SCML4: variants seen among roughly 807,000 people sequenced by gnomAD.
The protein encoded by SCML4 is sex comb on midleg-like protein 4.
In SCML4, 34 loss-of-function variants were observed where a neutral mutation model predicts 41.1. The observed-to-expected ratio is 0.83, with a 90% confidence interval of 0.63 to 1.10. The LOEUF is 1.10. SCML4 is among the 50% of genes least tolerant of loss of function. The pLI, the probability that SCML4 is intolerant of heterozygous loss-of-function variation, is 0.00. For missense variants in SCML4, 522 were observed against 534.1 expected (o/e 0.98, Z 0.22); for synonymous variants, 214 against 220.9 (o/e 0.97, Z 0.28).
intron 1 of SCML4, among the ~76,000 whole-genome samples, chr6:107,788,922 G>T (rs1518525): frequency 0.28 from 42,872 of 152,038 alleles, 6,241 homozygotes; most frequent in Middle Eastern, 0.34. Context: ...CTCTCCCCCA[G>T]TGTGTGTTTC....
intron 1 of SCML4, among the ~76,000 whole-genome samples, chr6:107,801,436 G>A (rs1783114081): frequency 6.6e-6 from 1 of 151,958 alleles, no homozygotes; most frequent in Non-Finnish European, 1.5e-5. Flanking sequence ...CTGCCTACCT[G>A]CCCCCCACCC....
chr6:107,803,446 C>T (rs1253925860), intron 1 of SCML4, among the ~76,000 whole-genome samples: 1 of 150,202 alleles, frequency 6.7e-6, no homozygotes, highest in African/African-American at 2.5e-5. Flanking sequence ...GCCCCCCGCC[C>T]GGCCAGCCGC....
rs138344580 is a variant in SCML4 at position 107,775,458 on chromosome 6, T to C, written c.-59-3072A>G. On this transcript the variant is annotated intron_variant, in intron 1 of 7. Coordinates refer to ENST00000369020, the MANE Select transcript of SCML4 (RefSeq NM_198081.5). ...CTGTATCTCTGACCTAGGAGCTATCTGTCTTCTGCCAGCATCTGTGACGCC... is the reference window on the plus strand; with the variant it reads ...CTGTATCTCTGACCTAGGAGCTATCCGTCTTCTGCCAGCATCTGTGACGCC... Among the ~76,000 whole-genome samples, 489 of 152,346 alleles carry C rather than the reference T, an allele frequency of 3.2e-3. 2 individuals are homozygous for C. The highest frequency in any genetic ancestry group is 0.011 in the African/African-American group (463 of 41,586).
chr6:107,734,735 C>T lies in SCML4; in HGVS notation c.682+10214G>A, dbSNP rs77843708. Among the ~76,000 whole-genome samples, 766 of 152,308 alleles carry T rather than the reference C, an allele frequency of 5.0e-3. 9 individuals are homozygous for T. The East Asian group carries it at 0.053, about 10-fold the overall frequency. On this transcript the variant is annotated intron_variant, in intron 5 of 7. Coordinates refer to ENST00000369020, the MANE Select transcript of SCML4 (RefSeq NM_198081.5). ...GGGAGAATTAGGATGAGGACTCCTA[C>T]CCTGGAGAACACTCCCTATTCCATG...
intron 1 of SCML4, among the ~76,000 whole-genome samples, chr6:107,781,080 G>A (rs1781451992): frequency 1.3e-5 from 2 of 152,110 alleles, no homozygotes; most frequent in African/African-American, 4.8e-5. Context: ...GTAAGTATAG[G>A]AGAGCTTACG....
At position 107,720,750 on chromosome 6, in the gene SCML4, G is replaced by T; in HGVS notation, c.926C>A (p.Ala309Asp). The T allele has an allele frequency of 6.2e-7, 1 of 1,602,730 alleles. No individual in the cohort carries two copies. Among genetic ancestry groups the T allele is most frequent in the Non-Finnish European group, 8.5e-7 (1 of 1,174,912 alleles). ...GPSAPGLRPPASSPKRNTTSL... is the reference protein window; with the variant it reads ...GPSAPGLRPPDSSPKRNTTSL... ...GGTCGTGTTTCTCTTGGGGCTGGAG[G>T]CTGGAGGCCTCAGCCCAGGTGCCGA... The change falls in exon 6 of 8, where the codon GCC (alanine) becomes GAC (aspartate). Residue 309 changes from alanine (A) to aspartate (D), a missense_variant. Physicochemically the swap from Ala to Asp is moderately radical, Grantham distance 126. Transcript: ENST00000369020.
intron 1 of SCML4, among the ~76,000 whole-genome samples, chr6:107,781,148 A>C (rs1158448314): frequency 6.6e-6 from 1 of 152,022 alleles, no homozygotes; most frequent in African/African-American, 2.4e-5. Context: ...AGAAAGTTAG[A>C]GTTTAAGGCC....
At chr6:107,796,762 G>A (rs1782747184) in intron 1 of SCML4, among the ~76,000 whole-genome samples, 1 of 149,340 alleles carries the variant, frequency 6.7e-6, no homozygotes, top group Non-Finnish European at 1.5e-5. Flanking sequence ...CTAATTTTTT[G>A]TTGTTGTACT....
intron 5 of SCML4, among the ~76,000 whole-genome samples, chr6:107,725,946 G>A (rs1229088064): frequency 5.9e-5 from 9 of 151,772 alleles, no homozygotes; most frequent in African/African-American, 2.2e-4. Flanking sequence ...GCATGGTGAT[G>A]CGAGTCTGTA....
At chr6:107,814,735 T>A (rs916145159) in intron 1 of SCML4, among the ~76,000 whole-genome samples, 3 of 152,168 alleles carry the variant, frequency 2.0e-5, no homozygotes, top group Admixed American at 6.5e-5. Context: ...GTATTTTTAG[T>A]AGAGACGGGG....
At chr6:107,767,582 C>T (rs1385827048) in intron 2 of SCML4, among the ~76,000 whole-genome samples, 1 of 152,178 alleles carries the variant, frequency 6.6e-6, no homozygotes, top group Non-Finnish European at 1.5e-5. Context: ...TGCATTTACC[C>T]ATATTAATTA....
chr6:107,741,089 G>C (rs973222122), intron 5 of SCML4, among the ~76,000 whole-genome samples: 2 of 152,092 alleles, frequency 1.3e-5, no homozygotes, highest in African/African-American at 2.4e-5. Context: ...TGAAAGTTTC[G>C]AGGCCGACTT....
At chr6:107,749,839 A>G in intron 2 of SCML4, 26 bp from the exon 3 acceptor site, 1 of 1,613,380 alleles carries the variant, frequency 6.2e-7, no homozygotes, top group Non-Finnish European at 8.5e-7. Context: ...CATTTGGTCA[A>G]TGAGAATCTG....
upstream of SCML4, among the ~76,000 whole-genome samples, chr6:107,826,898 C>T (rs1785273451): frequency 7.2e-6 from 1 of 139,086 alleles, no homozygotes; most frequent in Non-Finnish European, 1.5e-5. Context: ...CCCGTCTCTA[C>T]TAAAAATACA....
At chr6:107,757,163 C>A (rs1483686418) in intron 2 of SCML4, among the ~76,000 whole-genome samples, 1 of 152,116 alleles carries the variant, frequency 6.6e-6, no homozygotes, top group Non-Finnish European at 1.5e-5. Flanking sequence ...ATTTATAGAA[C>A]CAAAATATGG....
At chr6:107,844,983 C>A in the SCML4 span, among the ~76,000 whole-genome samples, 1 of 151,264 alleles carries the variant, frequency 6.6e-6, no homozygotes, top group Non-Finnish European at 1.5e-5. Flanking sequence ...CACCTGTAAC[C>A]CCAGCATTTT....
chr6:107,755,674 A>G, intron 2 of SCML4: 3 of 1,286,776 alleles, frequency 2.3e-6, no homozygotes, highest in Non-Finnish European at 3.1e-6. Context: ...TCTAAAAAAA[A>G]AAAAAAAGCT....
chr6:107,828,484 G>T (rs533191828), upstream of SCML4, among the ~76,000 whole-genome samples: 386 of 152,216 alleles, frequency 2.5e-3, 2 homozygotes, highest in African/African-American at 8.9e-3. Context: ...AATTACAAAG[G>T]GGCAAAAAGT....
chr6:107,721,059 CG>C (rs1562179984), intron 5 of SCML4, 66 bp from the exon 6 acceptor site: 1 of 1,508,114 alleles, frequency 6.6e-7, no homozygotes, highest in Non-Finnish European at 8.9e-7. Flanking sequence ...TCAGACCCTC[CG>C]TCTTGGCAAA....
Sources: gnomAD v4.1 joint callset for allele counts (sites outside exome capture counted in the v4.1 genomes callset) on GRCh38, gnomAD v4.1.1 for gene constraint, MANE v1.5 for transcripts, NCBI Gene and HGNC (gene_info 2026-07-23, HGNC 2026-07-21) for gene names.